Variants in PIEZO1 observed in about 807,000 individuals in gnomAD.
PIEZO1 encodes piezo-type mechanosensitive ion channel component 1.
In PIEZO1, 296 loss-of-function variants were observed where a neutral mutation model predicts 297.2. That is an observed-to-expected ratio of 1.00 (90% CI 0.91 to 1.10). The LOEUF (loss-of-function observed/expected upper bound fraction) is 1.10. Among genes scored for constraint, PIEZO1 ranks in the 50% least tolerant of loss-of-function variants. The pLI is 0.00. For missense variants in PIEZO1, 5,018 were observed against 3,455.5 expected, an observed-to-expected ratio of 1.45 and a Z score of -11.34; for synonymous variants, 2,427 against 1,507.5, an observed-to-expected ratio of 1.61 and a Z score of -14.13.
intron 2 of PIEZO1, chr16:88,743,364 C>A (rs1423632807): frequency 6.6e-6 from 3 of 452,194 alleles, no homozygotes; most frequent in Non-Finnish European, 1.3e-5. Flanking sequence ...CACCCCGGCA[C>A]GTGCTGGCAG....
In PIEZO1 at chr16:88,731,917, A is replaced by AGGGGGGGTGT; in HGVS notation, c.2992-8_2992-7insACACCCCCCC. ...CGGCCATCAGGAAGCAGATCTGGGGAGGGGAGAGGGCGGGGTGTGGGGATG... is the reference window on the plus strand; with the variant it reads ...CGGCCATCAGGAAGCAGATCTGGGGAGGGGGGGTGTGGGGAGAGGGCGGGGTGTGGGGATG... On this transcript the variant is annotated splice_region_variant and splice_polypyrimidine_tract_variant and intron_variant, in intron 21 of 50. Transcript: ENST00000301015. The AGGGGGGGTGT allele has an allele frequency of 9.0e-6, 2 of 222,264 alleles. No individual in the cohort carries two copies. The highest frequency in any genetic ancestry group is 6.8e-4 in the Middle Eastern group (1 of 1,464). The allele number at this position is 222,264 out of a possible 1,614,324, so 13.8% of individuals were successfully genotyped here.
rs776039915 is a variant in PIEZO1 at position 88,716,880 on chromosome 16, C to T, written c.6679G>A (p.Ala2227Thr). The T allele has an allele frequency of 1.5e-5, 23 of 1,549,880 alleles. No homozygotes were observed. The highest frequency in any genetic ancestry group is 1.2e-4 in the East Asian group (5 of 40,914). ...GGYEPLFTMS[A>T]QQPSIIPFTA... ...AAGGGGATGATGGACGGCTGCTGGGCGCTCATGGTGAACAGCGGCTGGGGC... is the reference window on the plus strand; with the variant it reads ...AAGGGGATGATGGACGGCTGCTGGGTGCTCATGGTGAACAGCGGCTGGGGC... Residue 2227 changes from alanine to threonine, a missense_variant, in exon 46 of 51, where the codon GCC (alanine) becomes ACC (threonine). Ala to Thr is a moderately conservative substitution (Grantham distance 58). Transcript: ENST00000301015.
In PIEZO1 at chr16:88,753,127, C is replaced by T. The variant is rs1411483130; in HGVS notation, c.65-3648G>A. 1.2e-4 allele frequency among the ~76,000 whole-genome samples: 13 copies of T among 108,762 alleles called. 1 individual carries two copies. The highest frequency in any genetic ancestry group is 2.7e-4 in the Admixed American group (3 of 11,056). 71.4% of individuals were successfully genotyped at this position (108,762 alleles called of 152,430 possible). A position where few individuals can be genotyped will look rare whatever the true frequency, so the allele number is the denominator to read the frequency against. On this transcript the variant is annotated intron_variant, in intron 1 of 50. Coordinates refer to ENST00000301015, the MANE Select transcript of PIEZO1 (RefSeq NM_001142864.4). ...CCGCCCCCCAGAGCACACTCACCCC[C>T]GGAGCACCCCTGCCCCCCCAGAGCA... is the stretch of plus-strand genomic sequence containing the variant.
chr16:88,765,745 C>G (rs566414652), intron 1 of PIEZO1, among the ~76,000 whole-genome samples: 2 of 151,210 alleles, frequency 1.3e-5, no homozygotes, highest in African/African-American at 4.9e-5. Flanking sequence ...CACAATCTCG[C>G]GCACTACAAC....
At chr16:88,723,470 G>T (rs549859610) in intron 31 of PIEZO1, 142 bp from the exon 32 acceptor site, 3 of 970,748 alleles carry the variant, frequency 3.1e-6, no homozygotes, top group Non-Finnish European at 4.5e-6. Context: ...AGCCCCTCCC[G>T]GATGGGGACC....
intron 1 of PIEZO1, among the ~76,000 whole-genome samples, chr16:88,768,036 C>T (rs960739287): frequency 2.6e-5 from 4 of 152,222 alleles, no homozygotes; most frequent in Non-Finnish European, 4.4e-5. Context: ...TGGACCAGAC[C>T]CCTTAAAGCA....
In PIEZO1 at chr16:88,719,628, C is replaced by T. The variant is rs1335200391; in HGVS notation, c.6417G>A (p.Val2139=). The T allele has an allele frequency of 6.4e-6, 10 of 1,552,902 alleles. No homozygotes were observed. The highest frequency in any genetic ancestry group is 8.7e-6 in the Non-Finnish European group (10 of 1,148,238). ...TTLSLSSWMC[V]EDIYANIFII... ...TGAAGATGTTGGCATAGATGTCCTC[C>T]ACACACATCCAGCTGGACAGGGACA... Residue 2139 remains valine, a synonymous_variant, in exon 44 of 51, where the codon GTG becomes GTA. Coordinates refer to ENST00000301015, the MANE Select transcript of PIEZO1 (RefSeq NM_001142864.4).
rs772992620 is a variant in PIEZO1 at position 88,722,204 on chromosome 16, C to T, written c.4955+14G>A. ...GCCATGGTGAGGCTGGTGTTGTGCG[C>T]GTCCCGCCCCCACCTGTCCAGGAGC... On this transcript the variant is annotated intron_variant, in intron 36 of 50. Coordinates refer to ENST00000301015, the MANE Select transcript of PIEZO1 (RefSeq NM_001142864.4). The T allele has an allele frequency of 4.5e-5, 70 of 1,542,106 alleles. No homozygotes were observed. In the Middle Eastern group the frequency reaches 5.8e-4, roughly 13 times the overall value.
intron 22 of PIEZO1, chr16:88,727,896 G>A (rs562502451): frequency 8.5e-6 from 3 of 354,766 alleles, no homozygotes; most frequent in Admixed American, 9.3e-5. Context: ...GGAGGCCAGA[G>A]AGCACGGGGG....
intron 19 of PIEZO1, 64 bp downstream of exon 19, chr16:88,733,214 G>T (rs1904985910): frequency 7.0e-7 from 1 of 1,427,616 alleles, no homozygotes; most frequent in Non-Finnish European, 9.5e-7. Flanking sequence ...GCCCCAGGAG[G>T]GTCGGGCTGC....
chr16:88,771,544 C>T (rs2059168275), intron 1 of PIEZO1, among the ~76,000 whole-genome samples: 3 of 152,222 alleles, frequency 2.0e-5, no homozygotes, highest in South Asian at 2.1e-4. Context: ...GCCACACACG[C>T]CCAAGCCTGA....
chr16:88,719,479 C>G, intron 44 of PIEZO1, 95 bp downstream of exon 44: 1 of 1,265,856 alleles, frequency 7.9e-7, no homozygotes, highest in Non-Finnish European at 1.1e-6. Context: ...GGGAGGGCCT[C>G]CAGCACCACG....
intron 2 of PIEZO1, among the ~76,000 whole-genome samples, chr16:88,746,025 G>T (rs1037974749): frequency 1.2e-4 from 18 of 152,328 alleles, no homozygotes; most frequent in South Asian, 8.3e-4. Flanking sequence ...GTGTGGAGTT[G>T]CCCTGAGTCT....
At chr16:88,754,813 C>T (rs753575121) in intron 1 of PIEZO1, among the ~76,000 whole-genome samples, 1 of 152,214 alleles carries the variant, frequency 6.6e-6, no homozygotes, top group Non-Finnish European at 1.5e-5. Context: ...GCGGCCCACA[C>T]GGGTGGGTGA....
At chr16:88,768,813 C>T (rs1407592853) in intron 1 of PIEZO1, among the ~76,000 whole-genome samples, 1 of 152,248 alleles carries the variant, frequency 6.6e-6, no homozygotes, top group Non-Finnish European at 1.5e-5. Context: ...CCACAATGGG[C>T]AGGCCAGCGA....
chr16:88,724,054 C>A, intron 30 of PIEZO1, 83 bp from the exon 31 acceptor site: 1 of 788,274 alleles, frequency 1.3e-6, no homozygotes, highest in Non-Finnish European at 2.1e-6. Context: ...GGGCCAAGGC[C>A]CGAGAGCCAC....
rs143301625 is a variant in PIEZO1 at position 88,736,626 on chromosome 16, C to G, written c.1296+13G>C. 12 of 1,521,948 alleles carry G rather than the reference C, an allele frequency of 7.9e-6. No individual in the cohort carries two copies. The highest frequency in any genetic ancestry group is 1.4e-5 in the African/African-American group (1 of 72,560). 94.3% of individuals were successfully genotyped at this position (1,521,948 alleles called of 1,614,324 possible). ...AGAGGGGGCCGCCCACCCCAACCCC[C>G]ACAGCCGCCTACCATCATGGCAATG... On this transcript the variant is annotated intron_variant, in intron 11 of 50. Coordinates refer to ENST00000301015, the MANE Select transcript of PIEZO1 (RefSeq NM_001142864.4).
chr16:88,755,938 CA>C (rs1437701743), intron 1 of PIEZO1, among the ~76,000 whole-genome samples: 2 of 152,104 alleles, frequency 1.3e-5, no homozygotes, highest in African/African-American at 4.8e-5. Flanking sequence ...GTTCCCAGCA[CA>C]GGGCAGAGCC....
At chr16:88,718,083 A>G (rs1597441429) in intron 44 of PIEZO1, 2 of 238,846 alleles carry the variant, frequency 8.4e-6, no homozygotes, top group Admixed American at 5.3e-5. Flanking sequence ...AAGCCCAACT[A>G]AACTATGGAG....
Sources: gnomAD v4.1 joint callset for allele counts (sites outside exome capture counted in the v4.1 genomes callset) on GRCh38, gnomAD v4.1.1 for gene constraint, MANE v1.5 for transcripts, NCBI Gene and HGNC (gene_info 2026-07-23, HGNC 2026-07-21) for gene names.